BCL2L15: variants seen among roughly 807,000 people sequenced by gnomAD.
The protein encoded by BCL2L15 is BCL2 like 15, also known as bcl-2-like protein 15.
A neutral mutation model predicts 18.3 loss-of-function variants in BCL2L15; 15 were observed. The observed-to-expected ratio is 0.82, with a 90% confidence interval of 0.55 to 1.26. The LOEUF (loss-of-function observed/expected upper bound fraction) is 1.26, where lower values mean the gene tolerates loss of function less well. Among genes scored for constraint, BCL2L15 ranks in the 50% most tolerant of loss-of-function variants. BCL2L15 has a pLI of 0.00. For missense variants in BCL2L15, 180 were observed against 201.7 expected (o/e 0.89, Z 0.65); for synonymous variants, 58 against 68.5 (o/e 0.85, Z 0.76).
In BCL2L15 at chr1:113,881,771, AC is replaced by A; in HGVS notation, c.474+1del. The A allele has an allele frequency of 1.2e-6, 2 of 1,612,792 alleles. No homozygotes were observed. The highest frequency in any genetic ancestry group is 1.7e-6 in the Non-Finnish European group (2 of 1,179,040). Reference sequence around the variant, plus strand: ...CAAAACCAGGAGCCCCAACAAACTTACCCAACCTCCCTGGCCCTGGATGAAC... The same window carrying A: ...CAAAACCAGGAGCCCCAACAAACTTACCAACCTCCCTGGCCCTGGATGAAC... On this transcript the variant is annotated splice_donor_variant, in intron 3 of 3. Coordinates refer to ENST00000393316, the MANE Select transcript of BCL2L15 (RefSeq NM_001010922.3). LOFTEE classifies it high-confidence loss of function.
At chr1:113,884,490 G>T (rs760028337) in intron 2 of BCL2L15, among the ~76,000 whole-genome samples, 1 of 152,072 alleles carries the variant, frequency 6.6e-6, no homozygotes, top group Non-Finnish European at 1.5e-5. Context: ...TTACATTATC[G>T]GGACAAATGG....
At position 113,878,111 on chromosome 1, in the gene BCL2L15, AC is replaced by A; in HGVS notation, c.*3011del. 1 of 152,462 alleles carries A rather than the reference AC, an allele frequency of 6.6e-6. No homozygotes were observed. Among genetic ancestry groups the A allele is most frequent in the South Asian group, 2.1e-4 (1 of 4,828 alleles). 9.4% of individuals were successfully genotyped at this position (152,462 alleles called of 1,614,324 possible). ...AAGCTAGAACCTTATGAACTGCATA[AC>A]ACAGAATTCCAAATTGCTAATGGCA... On this transcript the variant is annotated 3_prime_UTR_variant, in exon 4 of 4. Transcript: ENST00000393316.
Position 113,880,231 on chromosome 1 carries a change from G to T in BCL2L15, c.*892C>A, listed in dbSNP as rs535614548. 6.6e-5 allele frequency: 10 copies of T among 152,376 alleles called. No individual in the cohort carries two copies. Among genetic ancestry groups the T allele is most frequent in the Admixed American group, 5.9e-4 (9 of 15,284 alleles). 9.4% of individuals were successfully genotyped at this position (152,376 alleles called of 1,614,324 possible). On this transcript the variant is annotated 3_prime_UTR_variant, in exon 4 of 4. Transcript: ENST00000393316. ...AACAACTGTTTTTGTTTGTTTGTTT[G>T]TTTTTTGCTTCCAACCTCTAAAATG...
intron 3 of BCL2L15, 182 bp downstream of exon 3, chr1:113,881,591 G>A: frequency 1.4e-6 from 2 of 1,426,300 alleles, no homozygotes; most frequent in South Asian, 1.6e-5. Flanking sequence ...AACATCCACA[G>A]GCTGAGCTTC....
chr1:113,885,012 C>T (rs1666984366), intron 2 of BCL2L15, among the ~76,000 whole-genome samples: 1 of 151,560 alleles, frequency 6.6e-6, no homozygotes, highest in Non-Finnish European at 1.5e-5. Flanking sequence ...AGTGCAGTGG[C>T]GAGATCTCAG....
At position 113,876,826 on chromosome 1, in the gene BCL2L15, A is replaced by G. The variant is rs1047715190; in HGVS notation, c.*4297T>C. 6.6e-6 allele frequency among the ~76,000 whole-genome samples: 1 copy of G among 152,130 alleles called. No individual in the cohort carries two copies. ...ACTTGAAGTCTCATCTGAGTCAATCAGCTATTCATTCATTTAATGAATATT... is the reference window on the plus strand; with the variant it reads ...ACTTGAAGTCTCATCTGAGTCAATCGGCTATTCATTCATTTAATGAATATT... On this transcript the variant is annotated 3_prime_UTR_variant, in exon 4 of 4. Coordinates refer to ENST00000393316, the MANE Select transcript of BCL2L15 (RefSeq NM_001010922.3).
Position 113,887,415 on chromosome 1 carries a change from A to T in BCL2L15, c.-40T>A, listed in dbSNP as rs748282840. 5 of 1,613,230 alleles carry T rather than the reference A, an allele frequency of 3.1e-6. No individual in the cohort carries two copies. Among genetic ancestry groups the T allele is most frequent in the Non-Finnish European group, 4.2e-6 (5 of 1,179,420 alleles). On this transcript the variant is annotated 5_prime_UTR_variant, in exon 1 of 4. Coordinates refer to ENST00000393316, the MANE Select transcript of BCL2L15 (RefSeq NM_001010922.3). ...GTCAAGTTTTGCTTTTCCACGAAAC[A>T]AGCAGTTTTCAGCCCAGCAGGAAGT...
chr1:113,884,717 G>A (rs1310559522), intron 2 of BCL2L15, among the ~76,000 whole-genome samples: 1 of 100,278 alleles, frequency 1.0e-5, no homozygotes, highest in African/African-American at 5.0e-5. Context: ...GTTTAGGGCT[G>A]TTTCAAAATA....
intron 2 of BCL2L15, 128 bp downstream of exon 2, chr1:113,886,408 TC>T: frequency 1.8e-6 from 2 of 1,103,166 alleles, no homozygotes; most frequent in Non-Finnish European, 2.5e-6. Flanking sequence ...TTGCTATACT[TC>T]CTTGAAATAT....
Position 113,876,860 on chromosome 1 carries a change from C to T in BCL2L15, c.*4263G>A, listed in dbSNP as rs184718856. Among the ~76,000 whole-genome samples the T allele has an allele frequency of 5.7e-4, 87 of 152,088 alleles. 2 individuals carry two copies. The East Asian group carries it at 9.7e-3, about 17-fold the overall frequency. ...TTCATTTAATGAATATTTTTAATAT[C>T]GATGTACATGCCAGATAATGAAGAG... is the stretch of plus-strand genomic sequence containing the variant. On this transcript the variant is annotated 3_prime_UTR_variant, in exon 4 of 4. Coordinates refer to ENST00000393316, the MANE Select transcript of BCL2L15 (RefSeq NM_001010922.3).
Position 113,881,847 on chromosome 1 carries a change from C to A in BCL2L15, c.400G>T (p.Val134Leu), listed in dbSNP as rs1221354061. Residue 134 changes from valine (V) to leucine (L), a missense_variant, in exon 3 of 4, where the codon GTG (valine) becomes TTG (leucine). By Grantham distance (32) the Val-to-Leu change is conservative. Coordinates refer to ENST00000393316, the MANE Select transcript of BCL2L15 (RefSeq NM_001010922.3). ...ATCATACCCGTCATGGGGATAGCCA[C>A]CTGTCCCACTACTTCAGGAGCAATG... ...AHIAPEVVGQ[V>L]AIPMTGMING... 1 of 1,614,220 alleles carries A rather than the reference C, an allele frequency of 6.2e-7. No individual in the cohort carries two copies. Among genetic ancestry groups the A allele is most frequent in the Non-Finnish European group, 8.5e-7 (1 of 1,180,042 alleles).
chr1:113,883,584 A>G (rs1347626987), intron 2 of BCL2L15, among the ~76,000 whole-genome samples: 3 of 150,870 alleles, frequency 2.0e-5, no homozygotes, highest in Non-Finnish European at 4.4e-5. Context: ...GACCAGCCTG[A>G]GCAACATGGT....
In BCL2L15 at chr1:113,880,452, T is replaced by C. The variant is rs191880980; in HGVS notation, c.*671A>G. On this transcript the variant is annotated 3_prime_UTR_variant, in exon 4 of 4. Transcript: ENST00000393316. ...CCATCCTGGCTAACACGGCGAAACC[T>C]CATCTCTACTAAAAATACAAAAAAT... 1,029 of 152,180 alleles carry C rather than the reference T, an allele frequency of 6.8e-3. 4 individuals are homozygous for C. The highest frequency in any genetic ancestry group is 6.5e-3 in the African/African-American group (268 of 41,486). The allele number at this position is 152,180 out of a possible 1,614,324, so 9.4% of individuals were successfully genotyped here. A position where few individuals can be genotyped will look rare whatever the true frequency, so the allele number is the denominator to read the frequency against.
intron 2 of BCL2L15, among the ~76,000 whole-genome samples, chr1:113,883,481 CA>C (rs34752806): frequency 1.4e-3 from 189 of 137,496 alleles, no homozygotes; most frequent in Non-Finnish European, 1.5e-3. Context: ...GACTCCGTCT[CA>C]AAAAAAAAAA....
At position 113,886,519 on chromosome 1, in the gene BCL2L15, A is replaced by AT. The variant is rs1667041041; in HGVS notation, c.249+17dup. 6.3e-7 allele frequency: 1 copy of AT among 1,597,588 alleles called. No homozygotes were observed. Among genetic ancestry groups the AT allele is most frequent in the Non-Finnish European group, 8.5e-7 (1 of 1,175,920 alleles). ...AGAAAAAAAAGCAGCAAACAATAGC[A>AT]TGAAGTAGAAACTTGACCTGTCCCT... On this transcript the variant is annotated intron_variant, in intron 2 of 3. Coordinates refer to ENST00000393316, the MANE Select transcript of BCL2L15 (RefSeq NM_001010922.3).
intron 2 of BCL2L15, among the ~76,000 whole-genome samples, chr1:113,882,698 G>A (rs1424654982): frequency 1.3e-5 from 2 of 151,992 alleles, no homozygotes; most frequent in East Asian, 3.9e-4. Context: ...CAACACTTTG[G>A]GAGGCGAAAG....
rs1387060030 is a variant in BCL2L15, at chr1:113,880,001, A to G, written c.*1122T>C. The G allele has an allele frequency of 6.6e-6, 1 of 152,210 alleles. No individual in the cohort carries two copies. The highest frequency in any genetic ancestry group is 1.5e-5 in the Non-Finnish European group (1 of 68,028). The allele number at this position is 152,210 out of a possible 1,614,324, so 9.4% of individuals were successfully genotyped here. ...TTCCTAGGCTCCAGCCTACCCCTAC[A>G]GAATCAGAATCTCTAGGAATGCGAA... On this transcript the variant is annotated 3_prime_UTR_variant, in exon 4 of 4. Transcript: ENST00000393316.
In BCL2L15 at chr1:113,880,945, G is replaced by A. The variant is rs540384171; in HGVS notation, c.*178C>T. On this transcript the variant is annotated 3_prime_UTR_variant, in exon 4 of 4. Coordinates refer to ENST00000393316, the MANE Select transcript of BCL2L15 (RefSeq NM_001010922.3). The stretch of plus-strand genomic sequence containing the variant: ...AAACAAAACAAAAACCAACTCTGCA[G>A]GCCTCTGGCAGCTGCTCCCAACTTT... 1.2e-4 allele frequency: 93 copies of A among 776,526 alleles called. No homozygotes were observed. Among genetic ancestry groups the A allele is most frequent in the Non-Finnish European group, 1.5e-4 (71 of 476,562 alleles). 48.1% of individuals were successfully genotyped at this position (776,526 alleles called of 1,614,324 possible). A position where few individuals can be genotyped will look rare whatever the true frequency, so the allele number is the denominator to read the frequency against.
rs1325748776 is a variant in BCL2L15 at position 113,879,564 on chromosome 1, C to T, written c.*1559G>A. On this transcript the variant is annotated 3_prime_UTR_variant, in exon 4 of 4. Coordinates refer to ENST00000393316, the MANE Select transcript of BCL2L15 (RefSeq NM_001010922.3). ...GCAAGAACTAACAAACATATGGAGA[C>T]TAAGTTCCCAAAGAAGAGTTAAATA... 6.6e-6 allele frequency: 1 copy of T among 152,332 alleles called. No individual in the cohort carries two copies. Among genetic ancestry groups the T allele is most frequent in the Non-Finnish European group, 1.5e-5 (1 of 68,038 alleles). 9.4% of individuals were successfully genotyped at this position (152,332 alleles called of 1,614,324 possible). A position where few individuals can be genotyped will look rare whatever the true frequency, so the allele number is the denominator to read the frequency against.
Sources: allele counts gnomAD v4.1 joint callset (sites outside exome capture counted in the v4.1 genomes callset), GRCh38; gene constraint gnomAD v4.1.1; transcripts MANE v1.5; gene names NCBI Gene and HGNC (gene_info 2026-07-23, HGNC 2026-07-21).